The following NPAT variants were observed in gnomAD, a reference collection of about 807,000 sequenced individuals.
NPAT encodes protein NPAT.
In NPAT, 52 loss-of-function variants were observed where a neutral mutation model predicts 130.7. The ratio of observed to expected loss-of-function variants is 0.40; its 90% CI spans 0.32 to 0.50. The LOEUF is 0.50. Ranked by LOEUF, NPAT falls within the 20% of genes least tolerant of loss-of-function variation. NPAT has a pLI of 0.68. For synonymous variants in NPAT, 580 were observed against 584.8 expected, an observed-to-expected ratio of 0.99 and a Z score of 0.12; for missense variants, 1,687 against 1,662.6, an observed-to-expected ratio of 1.01 and a Z score of -0.26.
chr11:108,197,454 T>G, intron 1 of NPAT, 34 bp from the exon 2 acceptor site: 1 of 1,330,078 alleles, frequency 7.5e-7, no homozygotes, highest in Non-Finnish European at 1.1e-6. Context: ...GTACTTATAC[T>G]AAATTCTGTA....
chr11:108,197,193 C>T, intron 2 of NPAT, 109 bp downstream of exon 2: 1 of 828,770 alleles, frequency 1.2e-6, no homozygotes, highest in Non-Finnish European at 2.1e-6. Flanking sequence ...ATATAAACCA[C>T]CAAATTTCTG....
chr11:108,199,144 A>G (rs879824949), intron 1 of NPAT, among the ~76,000 whole-genome samples: 80 of 152,154 alleles, frequency 5.3e-4, no homozygotes, highest in Non-Finnish European at 9.9e-4. Context: ...AAGGAGACAG[A>G]GTTGTAACGG....
rs759530415 is a variant in NPAT at position 108,172,653 on chromosome 11, A to C, written c.2331T>G (p.Thr777=). ...GTTCTGCATTTTTAGTAGGTGATTTAGTAGGAGAAGACAAGATTATAGTTG... is the reference window on the plus strand; with the variant it reads ...GTTCTGCATTTTTAGTAGGTGATTTCGTAGGAGAAGACAAGATTATAGTTG... ...NLPTIILSSP[T]KSPTKNAELV... is the part of the protein sequence containing the mutation. Residue 777 remains threonine, a synonymous_variant, in exon 13 of 18, where the codon ACT becomes ACG. Coordinates refer to ENST00000278612, the MANE Select transcript of NPAT (RefSeq NM_002519.3). 1 of 1,614,170 alleles carries C rather than the reference A, an allele frequency of 6.2e-7. No homozygotes were observed.
rs1467161142 is a variant in NPAT at position 108,181,470 on chromosome 11, A to AG, written c.906+3761_906+3762insC. 2.6e-5 allele frequency among the ~76,000 whole-genome samples: 4 copies of AG among 152,070 alleles called. No homozygotes were observed. The East Asian group carries it at 7.7e-4, about 29-fold the overall frequency. On this transcript the variant is annotated intron_variant, in intron 10 of 17. Transcript: ENST00000278612. ...ACAGAGCGAGACTCTGTCTCAAAAA[A>AG]AACAAAAACAAAAAAAACTTACAGC...
At chr11:108,168,265 T>C (rs920463834) in intron 15 of NPAT, among the ~76,000 whole-genome samples, 3 of 152,234 alleles carry the variant, frequency 2.0e-5, no homozygotes, top group Non-Finnish European at 4.4e-5. Flanking sequence ...ATGTTCCTCA[T>C]ATCATTGCAT....
At chr11:108,178,079 T>C (rs1236554319) in intron 10 of NPAT, among the ~76,000 whole-genome samples, 1 of 152,220 alleles carries the variant, frequency 6.6e-6, no homozygotes, top group Non-Finnish European at 1.5e-5. Flanking sequence ...GACTGCTTTA[T>C]AGGTCCTTCA....
intron 1 of NPAT, among the ~76,000 whole-genome samples, chr11:108,216,723 G>T (rs929612009): frequency 2.6e-5 from 4 of 152,088 alleles, no homozygotes; most frequent in Admixed American, 2.6e-4. Flanking sequence ...CACATGAGAT[G>T]GGGCTGTTAA....
intron 8 of NPAT, 85 bp from the exon 9 acceptor site, chr11:108,185,579 G>A (rs1367467492): frequency 2.2e-6 from 2 of 911,314 alleles, no homozygotes; most frequent in Non-Finnish European, 3.5e-6. Flanking sequence ...AAACCGATAA[G>A]AGCTGGATAG....
intron 1 of NPAT, among the ~76,000 whole-genome samples, chr11:108,219,476 T>A (rs1250279170): frequency 6.6e-6 from 1 of 152,178 alleles, no homozygotes; most frequent in East Asian, 1.9e-4. Context: ...CTCAGAATGG[T>A]TTCTACTTTT....
chr11:108,160,726 C>T (rs1268217558), intron 17 of NPAT, among the ~76,000 whole-genome samples, 154 bp downstream of exon 17: 1 of 152,140 alleles, frequency 6.6e-6, no homozygotes, highest in Non-Finnish European at 1.5e-5. Context: ...GCTTATTGGT[C>T]CTGTGATCAT....
At chr11:108,183,226 G>A (rs1292347816) in intron 10 of NPAT, among the ~76,000 whole-genome samples, 1 of 152,114 alleles carries the variant, frequency 6.6e-6, no homozygotes, top group African/African-American at 2.4e-5. Context: ...GGCTCAAGCA[G>A]TCCTCCTGCC....
intron 1 of NPAT, among the ~76,000 whole-genome samples, chr11:108,207,023 C>T (rs2078332041): frequency 6.6e-6 from 1 of 152,068 alleles, no homozygotes; most frequent in Admixed American, 6.5e-5. Flanking sequence ...TGGGTAGCTC[C>T]TTTCTGCAGG....
intron 15 of NPAT, among the ~76,000 whole-genome samples, chr11:108,169,219 G>T (rs2077927614): frequency 6.6e-6 from 1 of 152,208 alleles, no homozygotes; most frequent in Non-Finnish European, 1.5e-5. Context: ...GGCTAAAACA[G>T]GGAACACAGG....
Position 108,177,009 on chromosome 11 carries a change from C to A in NPAT, c.988G>T (p.Asp330Tyr). The A allele has an allele frequency of 6.2e-7, 1 of 1,609,184 alleles. No homozygotes were observed. The highest frequency in any genetic ancestry group is 1.1e-5 in the South Asian group (1 of 90,962). ...ESDPAFQALF[D>Y]LFDYGKTKNN... ...GTCTCCTTACCATAGTCAAAGAGAT[C>A]AAAGAGTGCCTGAAATGCTGGGTCT... Residue 330 changes from aspartate to tyrosine, a missense_variant, in exon 11 of 18, where the codon GAT becomes TAT. This residue lies in a region of NPAT where 1,379 missense variants were observed against 1,346.6 expected (regional missense o/e 1.02). Transcript: ENST00000278612.
At position 108,169,912 on chromosome 11, in the gene NPAT, A is replaced by C; in HGVS notation, c.2901+16T>G. The stretch of plus-strand genomic sequence containing the variant: ...TGAAAAGCATCACCACACCATTTTC[A>C]GTTCATAAATCTTACCTGCCGAGGA... On this transcript the variant is annotated intron_variant, in intron 14 of 17. Coordinates refer to ENST00000278612, the MANE Select transcript of NPAT (RefSeq NM_002519.3). The C allele has an allele frequency of 6.2e-7, 1 of 1,610,398 alleles. No homozygotes were observed. The highest frequency in any genetic ancestry group is 1.1e-5 in the South Asian group (1 of 90,984).
Position 108,161,724 on chromosome 11 carries a change from T to G in NPAT, c.3362A>C (p.Lys1121Thr). The change falls in exon 17 of 18, where the codon AAG becomes ACG. Residue 1121 changes from lysine to threonine, a missense_variant. Lys to Thr is a moderately conservative substitution (Grantham distance 78). This residue lies in a region of NPAT where 1,379 missense variants were observed against 1,346.6 expected (regional missense o/e 1.02). Transcript: ENST00000278612. ...SNNAIKREKE[K>T]PPLPKILSKS... is the part of the protein sequence containing the mutation. ...AGATAAAATCTTAGGCAGAGGAGGCTTCTCTTTCTCTCTTTTGATAGCATT... is the reference window on the plus strand; with the variant it reads ...AGATAAAATCTTAGGCAGAGGAGGCGTCTCTTTCTCTCTTTTGATAGCATT... 6.2e-7 allele frequency: 1 copy of G among 1,613,828 alleles called. No individual in the cohort carries two copies.
intron 1 of NPAT, among the ~76,000 whole-genome samples, chr11:108,200,768 CT>C (rs1390082754): frequency 6.6e-6 from 1 of 152,182 alleles, no homozygotes; most frequent in Non-Finnish European, 1.5e-5. Flanking sequence ...AGACCTCTGC[CT>C]CATTAATGAG....
intron 13 of NPAT, chr11:108,171,799 A>C (rs879056521): frequency 5.5e-6 from 1 of 180,786 alleles, no homozygotes; most frequent in South Asian, 1.1e-4. Flanking sequence ...CTGAAATTCA[A>C]GTTTTTCTTG....
intron 1 of NPAT, among the ~76,000 whole-genome samples, chr11:108,204,581 G>A (rs138900769): frequency 1.0e-3 from 157 of 152,278 alleles, no homozygotes; most frequent in African/African-American, 3.2e-3. Flanking sequence ...AGAACCTGCC[G>A]GTGGGAAAGG....
Sources: allele counts gnomAD v4.1 joint callset (sites outside exome capture counted in the v4.1 genomes callset), GRCh38; gene constraint gnomAD v4.1.1; regional missense constraint gnomAD v4.1.1; transcripts MANE v1.5; gene names NCBI Gene and HGNC (gene_info 2026-07-23, HGNC 2026-07-21).